The following ESPNL variants were observed in gnomAD, a reference collection of about 807,000 sequenced individuals.
ESPNL encodes the protein espin-like protein.
ESPNL carries 49 observed loss-of-function variants against 46.8 expected under a neutral mutation model. The observed-to-expected ratio is 1.05, with a 90% CI of 0.83 to 1.33. The LOEUF (loss-of-function observed/expected upper bound fraction) is 1.33, where lower values mean the gene tolerates loss of function less well. ESPNL is among the 40% of genes most tolerant of loss of function. The probability of loss-of-function intolerance (pLI) is 0.00; values close to 1 mark genes in which losing one functional copy is unlikely to be tolerated. For synonymous variants in ESPNL, 664 were observed against 662.1 expected (o/e 1.00, Z -0.04); for missense variants, 1,540 against 1,436.6 (o/e 1.07, Z -1.16).
chr2:238,115,288 T>C (rs1691791682), intron 4 of ESPNL, among the ~76,000 whole-genome samples: 1 of 152,174 alleles, frequency 6.6e-6, no homozygotes, highest in Non-Finnish European at 1.5e-5. Context: ...CTCCAGAGGA[T>C]TCCCCCAGGA....
chr2:238,116,300 A>G (rs1691813420), intron 4 of ESPNL, among the ~76,000 whole-genome samples: 1 of 152,036 alleles, frequency 6.6e-6, no homozygotes, highest in East Asian at 1.9e-4. Context: ...TCCCATCACA[A>G]GAGCCCATCA....
chr2:238,110,122 G>A (rs1192014162), intron 4 of ESPNL, among the ~76,000 whole-genome samples: 1 of 149,990 alleles, frequency 6.7e-6, no homozygotes, highest in Non-Finnish European at 1.5e-5. Flanking sequence ...GGTGCCATAT[G>A]TTACCGAGTG....
At chr2:238,125,877 C>T (rs1039818009) in intron 6 of ESPNL, among the ~76,000 whole-genome samples, 6 of 152,186 alleles carry the variant, frequency 3.9e-5, no homozygotes, top group Admixed American at 3.9e-4. Flanking sequence ...TGCTGCGGCC[C>T]TGTACTCACA....
In ESPNL at chr2:238,130,278, C is replaced by A; in HGVS notation, c.1564C>A (p.Arg522Ser). 6.2e-7 allele frequency: 1 copy of A among 1,607,430 alleles called. No homozygotes were observed. Among genetic ancestry groups the A allele is most frequent in the African/African-American group, 1.3e-5 (1 of 74,940 alleles). Residue 522 changes from arginine (R) to serine (S), a missense_variant, in exon 9 of 9, where the codon CGC (arginine) becomes AGC (serine). Transcript: ENST00000343063. ...GATTGCAGACCTGCAGCTTCGGCGC[C>A]GCTGTCAGGAGTATGAGAGTGAGCT... ...KQIADLQLRR[R>S]CQEYESELGR...
chr2:238,124,251 T>C (rs1692049098), intron 5 of ESPNL, among the ~76,000 whole-genome samples: 1 of 152,186 alleles, frequency 6.6e-6, no homozygotes, highest in Non-Finnish European at 1.5e-5. Flanking sequence ...ACGTCTGGCT[T>C]CCAGTGCCCA....
chr2:238,118,193 T>G (rs1691859535), intron 5 of ESPNL, among the ~76,000 whole-genome samples: 1 of 91,134 alleles, frequency 1.1e-5, no homozygotes, highest in Non-Finnish European at 2.1e-5. Context: ...TGGTGGAGGA[T>G]GGTTGGAGGA....
intron 5 of ESPNL, among the ~76,000 whole-genome samples, chr2:238,119,178 GGATGGAGGAGGAAT>G (rs1691914780): frequency 8.1e-6 from 1 of 123,642 alleles, no homozygotes; most frequent in African/African-American, 3.1e-5. Flanking sequence ...GGAGGAGGGT[GGATGGAGGAGGAAT>G]GGATGGAGGA....
At chr2:238,104,598 G>A (rs1259461025) in intron 2 of ESPNL, 58 bp from the exon 3 acceptor site, 7 of 1,482,486 alleles carry the variant, frequency 4.7e-6, no homozygotes, top group Non-Finnish European at 6.3e-6. Context: ...CCAAGCAGCC[G>A]AGGGATGGGC....
In ESPNL at chr2:238,116,965, G is replaced by A. The variant is rs372220199; in HGVS notation, c.918G>A (p.Thr306=). The A allele has an allele frequency of 5.7e-5, 92 of 1,612,450 alleles. No individual in the cohort carries two copies. Among genetic ancestry groups the A allele is most frequent in the Middle Eastern group, 1.6e-4 (1 of 6,084 alleles). ...DPSLRDEDGY[T]AADLAEYHGH... is the part of the protein sequence containing the mutation. The stretch of plus-strand genomic sequence containing the variant: ...CCCTGCGGGATGAAGATGGTTACAC[G>A]GCGGCAGACCTGGCGGAGTACCATG... The change falls in exon 5 of 9, where the codon ACG becomes ACA. Residue 306 remains threonine (T), a synonymous_variant. Transcript: ENST00000343063.
chr2:238,125,963 CTG>C (rs945262092), intron 6 of ESPNL, among the ~76,000 whole-genome samples: 1 of 151,358 alleles, frequency 6.6e-6, no homozygotes, highest in African/African-American at 2.4e-5. Context: ...GGACCCTTCT[CTG>C]TGTGTGATTG....
At chr2:238,109,133 G>A (rs978417966) in intron 4 of ESPNL, among the ~76,000 whole-genome samples, 1 of 152,234 alleles carries the variant, frequency 6.6e-6, no homozygotes, top group Non-Finnish European at 1.5e-5. Flanking sequence ...CTGACAGGTG[G>A]CTGGTGGCAG....
chr2:238,127,769 G>A (rs986539648), intron 7 of ESPNL, 35 bp downstream of exon 7: 2 of 1,551,278 alleles, frequency 1.3e-6, no homozygotes, highest in Non-Finnish European at 1.8e-6. Flanking sequence ...TGTCTCCCGG[G>A]GCCCCTAGCC....
Position 238,114,871 on chromosome 2 carries a change from A to G in ESPNL, c.856-2032A>G, listed in dbSNP as rs933527453. On this transcript the variant is annotated intron_variant, in intron 4 of 8. Coordinates refer to ENST00000343063, the MANE Select transcript of ESPNL (RefSeq NM_194312.4). The surrounding 1 kb of genome is among the most constrained non-coding windows in gnomAD (Gnocchi z 5.0). ...GCTTTCGCACCACGACCAGGGTTGC[A>G]TATTTGTGCCAGAGCCGGCGGCCCC... is the stretch of plus-strand genomic sequence containing the variant. 3.3e-5 allele frequency among the ~76,000 whole-genome samples: 5 copies of G among 152,212 alleles called. No homozygotes were observed. The highest frequency in any genetic ancestry group is 1.2e-4 in the African/African-American group (5 of 41,446).
chr2:238,112,721 T>G (rs1181047504), intron 4 of ESPNL, among the ~76,000 whole-genome samples: 1 of 152,244 alleles, frequency 6.6e-6, no homozygotes, highest in Non-Finnish European at 1.5e-5. Flanking sequence ...ATTCCCATTT[T>G]GATTCTTATT....
chr2:238,112,647 C>T (rs1691738215), intron 4 of ESPNL, among the ~76,000 whole-genome samples: 1 of 152,044 alleles, frequency 6.6e-6, no homozygotes, highest in Non-Finnish European at 1.5e-5. Flanking sequence ...ATAAATTTTC[C>T]TCTAAGTACT....
chr2:238,101,975 T>C lies in ESPNL; in HGVS notation c.329T>C (p.Leu110Pro), dbSNP rs1242275160. The part of the protein sequence containing the change: ...QDASGVSPLH[L>P]AARFGHPVLV... ...GCCTCGGGCGTCTCCCCGCTGCACC[T>C]GGCCGCCCGTTTTGGACACCCAGTG... Residue 110 changes from leucine (L) to proline (P), a missense_variant, in exon 2 of 9, where the codon CTG becomes CCG. Physicochemically the swap from Leu to Pro is moderately conservative, Grantham distance 98. Coordinates refer to ENST00000343063, the MANE Select transcript of ESPNL (RefSeq NM_194312.4). 1 of 1,610,186 alleles carries C rather than the reference T, an allele frequency of 6.2e-7. No individual in the cohort carries two copies. Among genetic ancestry groups the C allele is most frequent in the Non-Finnish European group, 8.5e-7 (1 of 1,179,570 alleles).
At chr2:238,119,649 C>G (rs1387040329) in intron 5 of ESPNL, among the ~76,000 whole-genome samples, 1 of 151,874 alleles carries the variant, frequency 6.6e-6, no homozygotes, top group Non-Finnish European at 1.5e-5. Flanking sequence ...TGACAAATCC[C>G]TCTAACCTAG....
At chr2:238,109,819 T>C (rs1037911216) in intron 4 of ESPNL, among the ~76,000 whole-genome samples, 5 of 149,228 alleles carry the variant, frequency 3.4e-5, no homozygotes, top group Admixed American at 1.3e-4. Context: ...TAGGATGCCA[T>C]ACGTTACCGA....
At chr2:238,105,809 T>G (rs1691584696) in intron 3 of ESPNL, among the ~76,000 whole-genome samples, 1 of 152,158 alleles carries the variant, frequency 6.6e-6, no homozygotes, top group African/African-American at 2.4e-5. Context: ...AAGGTCACTG[T>G]GGCTGCTGAT....
Sources: allele counts gnomAD v4.1 joint callset (sites outside exome capture counted in the v4.1 genomes callset), GRCh38; gene constraint gnomAD v4.1.1; non-coding constraint Gnocchi (gnomAD v3.1); transcripts MANE v1.5; gene names NCBI Gene and HGNC (gene_info 2026-07-23, HGNC 2026-07-21).